CHN1: variants seen among roughly 807,000 people sequenced by gnomAD.
CHN1 encodes the protein chimerin 1, also known as N-chimaerin.
In CHN1, 37 loss-of-function variants were observed where a neutral mutation model predicts 59.5. The observed-to-expected ratio is 0.62, with a 90% confidence interval of 0.48 to 0.82. CHN1 has a LOEUF of 0.82. Ranked by LOEUF, CHN1 falls within the 40% of genes least tolerant of loss-of-function variation. The pLI, the probability that CHN1 is intolerant of heterozygous loss-of-function variation, is 0.00. For synonymous variants in CHN1, 206 were observed against 200.4 expected, an observed-to-expected ratio of 1.03 and a Z score of -0.24; for missense variants, 469 against 571.0, an observed-to-expected ratio of 0.82 and a Z score of 1.82.
Position 174,982,339 on chromosome 2 carries a change from T to C in CHN1, c.19+22555A>G, listed in dbSNP as rs139380603. On this transcript the variant is annotated intron_variant, in intron 1 of 12. Coordinates refer to ENST00000409900, the MANE Select transcript of CHN1 (RefSeq NM_001822.7). ...GTAACAGGATGGCTGGGTCAAATGG[T>C]ATTTCTAGTTCTAGATCCCTGAGGA... is the stretch of plus-strand genomic sequence containing the variant. 2.0e-3 allele frequency among the ~76,000 whole-genome samples: 299 copies of C among 152,278 alleles called. 1 individual carries two copies. The highest frequency in any genetic ancestry group is 6.8e-3 in the African/African-American group (284 of 41,552).
At chr2:174,987,242 T>G (rs1163455007) in intron 1 of CHN1, among the ~76,000 whole-genome samples, 1 of 152,130 alleles carries the variant, frequency 6.6e-6, no homozygotes, top group Non-Finnish European at 1.5e-5. Context: ...GGGCAGGGGA[T>G]ATCTGCCCTC....
chr2:174,963,471 G>C lies in CHN1; in HGVS notation c.20-11269C>G, dbSNP rs181336663. 9.7e-4 allele frequency among the ~76,000 whole-genome samples: 148 copies of C among 152,302 alleles called. 1 individual carries two copies. Among genetic ancestry groups the C allele is most frequent in the African/African-American group, 3.4e-3 (143 of 41,564 alleles). On this transcript the variant is annotated intron_variant, in intron 1 of 12. Coordinates refer to ENST00000409900, the MANE Select transcript of CHN1 (RefSeq NM_001822.7). Reference sequence around the variant, plus strand: ...ATAAAGGGGCTGCGAATAACAGGCAGAAGGACACTAAACAGAGGAGAGAAC... The same window carrying C: ...ATAAAGGGGCTGCGAATAACAGGCACAAGGACACTAAACAGAGGAGAGAAC...
At chr2:174,859,048 G>A (rs192079172) in intron 6 of CHN1, among the ~76,000 whole-genome samples, 17 of 146,866 alleles carry the variant, frequency 1.2e-4, no homozygotes, top group Admixed American at 4.0e-4. Context: ...GTTAAAGTAA[G>A]ATAGCAATTG....
intron 1 of CHN1, among the ~76,000 whole-genome samples, chr2:174,962,140 C>T (rs1690431007): frequency 6.6e-6 from 1 of 152,000 alleles, no homozygotes; most frequent in Admixed American, 6.5e-5. Flanking sequence ...CGAAAATTAG[C>T]CGGGCGGGGT....
intron 6 of CHN1, among the ~76,000 whole-genome samples, chr2:174,853,509 TAGCTC>T (rs1410783583): frequency 6.6e-6 from 1 of 152,156 alleles, no homozygotes; most frequent in Non-Finnish European, 1.5e-5. Flanking sequence ...GAATATAAAT[TAGCTC>T]AGCCACTGTG....
At chr2:174,943,227 T>C (rs921036834) in intron 3 of CHN1, among the ~76,000 whole-genome samples, 3 of 151,158 alleles carry the variant, frequency 2.0e-5, no homozygotes, top group Non-Finnish European at 4.4e-5. Context: ...TACATGTTTT[T>C]GTTTTTGTTT....
chr2:174,826,864 T>C (rs1685698950), intron 7 of CHN1, among the ~76,000 whole-genome samples: 1 of 152,202 alleles, frequency 6.6e-6, no homozygotes, highest in Non-Finnish European at 1.5e-5. Flanking sequence ...TTTAGGATAT[T>C]GTTATTTATT....
At chr2:174,903,168 G>A (rs913720984) in intron 5 of CHN1, among the ~76,000 whole-genome samples, 12 of 152,096 alleles carry the variant, frequency 7.9e-5, no homozygotes, top group South Asian at 4.1e-4. Context: ...TGACTATCTC[G>A]TTGTCCATTC....
At chr2:174,814,111 G>A (rs1455786124) in intron 8 of CHN1, among the ~76,000 whole-genome samples, 5 of 152,240 alleles carry the variant, frequency 3.3e-5, no homozygotes, top group East Asian at 1.9e-4. Flanking sequence ...GGCAACTCTC[G>A]GGAAAGAATT....
At chr2:174,981,153 T>C (rs985377406) in intron 1 of CHN1, among the ~76,000 whole-genome samples, 3 of 152,214 alleles carry the variant, frequency 2.0e-5, no homozygotes, top group Non-Finnish European at 4.4e-5. Flanking sequence ...ACCTGGATCT[T>C]TCACTTCGAG....
chr2:174,892,177 GA>G (rs1444479783), intron 5 of CHN1, among the ~76,000 whole-genome samples: 1 of 152,122 alleles, frequency 6.6e-6, no homozygotes, highest in Non-Finnish European at 1.5e-5. Context: ...ATTTAAAAAA[GA>G]ATAATTGCCA....
chr2:174,973,117 AG>A (rs2105440315), intron 1 of CHN1, among the ~76,000 whole-genome samples: 1 of 152,278 alleles, frequency 6.6e-6, no homozygotes, highest in African/African-American at 2.4e-5. Flanking sequence ...TCACAGTAAA[AG>A]TCTAAGAGTT....
chr2:174,945,504 A>T (rs1689800942), intron 2 of CHN1, among the ~76,000 whole-genome samples: 1 of 152,196 alleles, frequency 6.6e-6, no homozygotes, highest in Non-Finnish European at 1.5e-5. Flanking sequence ...ATATTCAAAT[A>T]ACTTGCCAAA....
At chr2:174,825,855 T>C (rs576660370) in intron 7 of CHN1, among the ~76,000 whole-genome samples, 3 of 152,236 alleles carry the variant, frequency 2.0e-5, no homozygotes, top group African/African-American at 4.8e-5. Flanking sequence ...CATACCATTA[T>C]GTGTTCAATT....
intron 1 of CHN1, among the ~76,000 whole-genome samples, chr2:174,975,770 G>T (rs565383281): frequency 3.0e-4 from 45 of 152,132 alleles, no homozygotes; most frequent in Non-Finnish European, 5.7e-4. Context: ...GTTCATACAT[G>T]ACAGAATTAA....
At chr2:174,826,282 TA>T (rs1685677540) in intron 7 of CHN1, among the ~76,000 whole-genome samples, 1 of 152,222 alleles carries the variant, frequency 6.6e-6, no homozygotes, top group Non-Finnish European at 1.5e-5. Flanking sequence ...AGATACTCTG[TA>T]ATGTCCCTGT....
chr2:174,995,594 G>A (rs62184829), intron 1 of CHN1, among the ~76,000 whole-genome samples: 46,155 of 152,016 alleles, frequency 0.3, 8,154 homozygotes, highest in Admixed American at 0.44. Context: ...TACGGTTCAC[G>A]CTCCTATGAG....
chr2:174,943,330 G>A (rs549101665), intron 3 of CHN1, among the ~76,000 whole-genome samples: 7 of 151,844 alleles, frequency 4.6e-5, no homozygotes, highest in Non-Finnish European at 1.0e-4. Context: ...GGGTTCAAGC[G>A]ATTCTCCTGC....
intron 7 of CHN1, among the ~76,000 whole-genome samples, chr2:174,838,239 A>G (rs971318361): frequency 5.3e-5 from 8 of 152,076 alleles, no homozygotes; most frequent in African/African-American, 1.9e-4. Context: ...GATTACAGGC[A>G]TGCACCATCA....
Sources: gnomAD v4.1 joint callset for allele counts (sites outside exome capture counted in the v4.1 genomes callset) on GRCh38, gnomAD v4.1.1 for gene constraint, MANE v1.5 for transcripts, NCBI Gene and HGNC (gene_info 2026-07-23, HGNC 2026-07-21) for gene names.